The following ETV7 variants were observed in gnomAD, a reference collection of about 807,000 sequenced individuals.
ETV7 encodes the protein transcription factor ETV7.
Under a neutral mutation model 39.1 loss-of-function variants are expected in ETV7, and 43 were observed. The observed-to-expected ratio is 1.10, with a 90% CI of 0.86 to 1.42. The LOEUF (loss-of-function observed/expected upper bound fraction) is 1.42. ETV7 is among the 40% of genes most tolerant of loss of function. The probability of loss-of-function intolerance (pLI) is 0.00; values close to 1 mark genes in which losing one functional copy is unlikely to be tolerated. For missense variants in ETV7, 432 were observed against 442.3 expected, an observed-to-expected ratio of 0.98 and a Z score of 0.21; for synonymous variants, 196 against 176.6, an observed-to-expected ratio of 1.11 and a Z score of -0.87.
chr6:36,377,764 C>A (rs576655234), intron 2 of ETV7, among the ~76,000 whole-genome samples: 1 of 152,248 alleles, frequency 6.6e-6, no homozygotes, highest in Non-Finnish European at 1.5e-5. Context: ...GCTAGGGACA[C>A]GGCACAGAAC....
intron 2 of ETV7, among the ~76,000 whole-genome samples, chr6:36,384,753 G>T (rs1007170057): frequency 2.6e-5 from 4 of 152,054 alleles, no homozygotes; most frequent in Non-Finnish European, 4.4e-5. Flanking sequence ...GCCAGGTGTG[G>T]TGGCACACAC....
chr6:36,362,598 A>G (rs1412789796), downstream of ETV7, among the ~76,000 whole-genome samples: 1 of 152,206 alleles, frequency 6.6e-6, no homozygotes, highest in Non-Finnish European at 1.5e-5. Flanking sequence ...TACTCAATTG[A>G]TGTTTGTAGA....
chr6:36,370,669 C>G (rs1373941721), intron 5 of ETV7, among the ~76,000 whole-genome samples: 1 of 151,388 alleles, frequency 6.6e-6, no homozygotes, highest in Non-Finnish European at 1.5e-5. Context: ...CATGCACCCC[C>G]TGAACCTAAA....
chr6:36,359,104 C>A (rs1226769879), intron 7 of ETV7, among the ~76,000 whole-genome samples: 1 of 152,184 alleles, frequency 6.6e-6, no homozygotes, highest in Admixed American at 6.5e-5. Context: ...TTGCACATAA[C>A]AAACTAACAA....
chr6:36,357,098 A>C (rs1772362119), intron 7 of ETV7, among the ~76,000 whole-genome samples: 1 of 152,206 alleles, frequency 6.6e-6, no homozygotes, highest in East Asian at 1.9e-4. Context: ...CTATGTTTTA[A>C]TCTACATGTA....
intron 3 of ETV7, 97 bp downstream of exon 3, chr6:36,375,774 A>G: frequency 2.5e-6 from 4 of 1,576,214 alleles, no homozygotes; most frequent in Non-Finnish European, 3.5e-6. Context: ...CCCAAGGAAG[A>G]CCCCTCCATC....
chr6:36,362,244 G>C (rs1772514743), downstream of ETV7, among the ~76,000 whole-genome samples: 1 of 152,096 alleles, frequency 6.6e-6, no homozygotes, highest in Admixed American at 6.5e-5. Flanking sequence ...AGAGCTTGCA[G>C]CGAGCCGAGA....
chr6:36,380,428 G>A (rs1773595093), intron 2 of ETV7, among the ~76,000 whole-genome samples: 1 of 152,214 alleles, frequency 6.6e-6, no homozygotes, highest in African/African-American at 2.4e-5. Context: ...AGGATTTCCA[G>A]CTTGGCCAGC....
intron 2 of ETV7, among the ~76,000 whole-genome samples, chr6:36,381,666 G>C (rs1035054225): frequency 6.6e-6 from 1 of 152,132 alleles, no homozygotes; most frequent in Admixed American, 6.5e-5. Flanking sequence ...TGGCCCCATT[G>C]TCTTGGTCGA....
Position 36,385,620 on chromosome 6 carries a change from G to T in ETV7, c.56C>A (p.Pro19His), listed in dbSNP as rs1461599378. 1.2e-6 allele frequency: 2 copies of T among 1,614,180 alleles called. No homozygotes were observed. Among genetic ancestry groups the T allele is most frequent in the Non-Finnish European group, 1.7e-6 (2 of 1,180,012 alleles). Reference protein sequence around the residue: ...SPISPVAAMPPLGTHVQARCE... With the variant: ...SPISPVAAMPHLGTHVQARCE... ...TCTGGCTTGCACGTGGGTGCCTAGGGGAGGCATGGCTGCCACAGGGCTTAT... is the reference window on the plus strand; with the variant it reads ...TCTGGCTTGCACGTGGGTGCCTAGGTGAGGCATGGCTGCCACAGGGCTTAT... Residue 19 changes from proline to histidine, a missense_variant, in exon 2 of 8, where the codon CCC becomes CAC. Pro to His is a moderately conservative substitution (Grantham distance 77). Coordinates refer to ENST00000340181, the MANE Select transcript of ETV7 (RefSeq NM_016135.4).
At chr6:36,373,311 A>G in intron 4 of ETV7, 142 bp downstream of exon 4, 6 of 998,496 alleles carry the variant, frequency 6.0e-6, no homozygotes, top group Non-Finnish European at 8.2e-6. Context: ...GGAACGCCCC[A>G]GAGCAGGAGG....
At chr6:36,369,145 C>A in intron 5 of ETV7, 74 bp from the exon 6 acceptor site, 2 of 1,578,434 alleles carry the variant, frequency 1.3e-6, no homozygotes, top group South Asian at 1.1e-5. Flanking sequence ...GAAAGGCACT[C>A]TTGGAAGCCT....
intron 3 of ETV7, among the ~76,000 whole-genome samples, chr6:36,373,928 G>A (rs1479097826): frequency 6.6e-6 from 1 of 152,210 alleles, no homozygotes; most frequent in Non-Finnish European, 1.5e-5. Flanking sequence ...TGTACCTCAC[G>A]TTCCTGGGAG....
At chr6:36,371,187 AC>A in intron 5 of ETV7, 142 bp downstream of exon 5, 2 of 823,120 alleles carry the variant, frequency 2.4e-6, no homozygotes, top group Non-Finnish European at 4.0e-6. Context: ...TGGCTAGCAC[AC>A]AGGACAGTCA....
chr6:36,376,931 C>G (rs771566671), intron 2 of ETV7, among the ~76,000 whole-genome samples: 16 of 152,206 alleles, frequency 1.1e-4, no homozygotes, highest in Middle Eastern at 3.2e-3. Context: ...ATTGTGCCAA[C>G]TTGGAATCAG....
intron 7 of ETV7, among the ~76,000 whole-genome samples, chr6:36,357,658 C>G (rs1453356726): frequency 6.6e-6 from 1 of 152,136 alleles, no homozygotes; most frequent in Non-Finnish European, 1.5e-5. Context: ...AGGCAGATCA[C>G]CTGAGGTCAG....
rs754125896 is a variant in ETV7 at position 36,368,912 on chromosome 6, T to TCA, written c.807+16_807+17insTG. ...CCTTCTGGTTATGTTGAGACCATTC[T>TCA]GCTGGCCGAGGCTCACCTTGTGATT... On this transcript the variant is annotated intron_variant, in intron 6 of 7. Transcript: ENST00000340181. 36 of 1,614,068 alleles carry TCA rather than the reference T, an allele frequency of 2.2e-5. No homozygotes were observed. The East Asian group carries it at 7.6e-4, about 34-fold the overall frequency.
Position 36,372,738 on chromosome 6 carries a change from T to C in ETV7, c.433+715A>G, listed in dbSNP as rs117204874. Among the ~76,000 whole-genome samples the C allele has an allele frequency of 2.7e-3, 360 of 134,356 alleles. 4 individuals are homozygous for C. The highest frequency in any genetic ancestry group is 0.024 in the South Asian group (91 of 3,832). The allele number at this position is 134,356 out of a possible 152,430, so 88.1% of individuals were successfully genotyped here. Reference sequence around the variant, plus strand: ...AGGGCAGGATATCAGGCATTTGGTTTAGGGGCTGGGGGTGTTGAGAGGCCT... The same window carrying C: ...AGGGCAGGATATCAGGCATTTGGTTCAGGGGCTGGGGGTGTTGAGAGGCCT... On this transcript the variant is annotated intron_variant, in intron 4 of 7. Coordinates refer to ENST00000340181, the MANE Select transcript of ETV7 (RefSeq NM_016135.4).
chr6:36,371,501 G>A lies in ETV7; in HGVS notation c.493C>T (p.Pro165Ser). The change falls in exon 5 of 8, where the codon CCA (proline) becomes TCA (serine). Residue 165 changes from proline to serine, a missense_variant. Physicochemically the swap from Pro to Ser is moderately conservative, Grantham distance 74 (BLOSUM62 -1). Transcript: ENST00000340181. ...RRGHLLQPPD[P>S]GLTSNFGHLD... is the part of the protein sequence containing the mutation. ...TGGCCGAAGTTGCTGGTAAGCCCTGGGTCTGGTGGCTGCAGCAGGTGGCCC... is the reference window on the plus strand; with the variant it reads ...TGGCCGAAGTTGCTGGTAAGCCCTGAGTCTGGTGGCTGCAGCAGGTGGCCC... 6.2e-7 allele frequency: 1 copy of A among 1,606,842 alleles called. No individual in the cohort carries two copies. The highest frequency in any genetic ancestry group is 8.5e-7 in the Non-Finnish European group (1 of 1,176,982).
Sources: allele counts gnomAD v4.1 joint callset (sites outside exome capture counted in the v4.1 genomes callset), GRCh38; gene constraint gnomAD v4.1.1; transcripts MANE v1.5; gene names NCBI Gene and HGNC (gene_info 2026-07-23, HGNC 2026-07-21).